CSNK2A2IP: variants seen among roughly 807,000 people sequenced by gnomAD.
The protein encoded by CSNK2A2IP is casein kinase II subunit alpha'-interacting protein.
the CSNK2A2IP span, among the ~76,000 whole-genome samples, chr3:88,342,535 T>C: frequency 6.6e-6 from 1 of 152,034 alleles, no homozygotes; most frequent in East Asian, 1.9e-4. Flanking sequence ...TCTGTTGTGA[T>C]TCTGAGGTCT....
At chr3:88,360,139 CT>C in the CSNK2A2IP span, among the ~76,000 whole-genome samples, 56,803 of 140,008 alleles carry the variant, frequency 0.41, 12,165 homozygotes, top group South Asian at 0.57. Context: ...GAGTTTTTGT[CT>C]TTTTTTTTTT....
chr3:88,428,605 C>T, the CSNK2A2IP span, among the ~76,000 whole-genome samples: 3 of 152,036 alleles, frequency 2.0e-5, no homozygotes, highest in Non-Finnish European at 4.4e-5. Context: ...ATAGTGAGTT[C>T]TCATGATATC....
chr3:88,467,422 A>C, the CSNK2A2IP span: 1 of 398,698 alleles, frequency 2.5e-6, no homozygotes. Flanking sequence ...GTTTATATAT[A>C]GCAAAGATTA....
the CSNK2A2IP span, among the ~76,000 whole-genome samples, chr3:88,402,697 A>C: frequency 8.0e-5 from 12 of 149,584 alleles, no homozygotes; most frequent in East Asian, 2.5e-3. Flanking sequence ...ATATATTTGC[A>C]CGTAAAGAGT....
chr3:88,362,132 G>C, the CSNK2A2IP span, among the ~76,000 whole-genome samples: 27 of 151,968 alleles, frequency 1.8e-4, no homozygotes, highest in Non-Finnish European at 2.5e-4. Flanking sequence ...GAGAGGTCAT[G>C]TTTTTTCTGG....
the CSNK2A2IP span, among the ~76,000 whole-genome samples, chr3:88,358,547 AG>A: frequency 3.3e-5 from 5 of 151,930 alleles, no homozygotes; most frequent in Non-Finnish European, 5.9e-5. Flanking sequence ...TAATCATGAA[AG>A]GGTATTGAAT....
chr3:88,437,532 T>G, the CSNK2A2IP span, among the ~76,000 whole-genome samples: 1 of 152,222 alleles, frequency 6.6e-6, no homozygotes, highest in African/African-American at 2.4e-5. Flanking sequence ...ATTGTAAAAC[T>G]ATTCTTAAAC....
chr3:88,407,536 C>G, the CSNK2A2IP span, among the ~76,000 whole-genome samples: 1 of 152,002 alleles, frequency 6.6e-6, no homozygotes, highest in African/African-American at 2.4e-5. Context: ...GTCACTGCAT[C>G]TAATGGAGGT....
chr3:88,456,277 T>G, the CSNK2A2IP span, among the ~76,000 whole-genome samples: 1 of 152,104 alleles, frequency 6.6e-6, no homozygotes, highest in Admixed American at 6.5e-5. Context: ...TTGTAGATTT[T>G]TTGGGTAGTT....
At chr3:88,367,602 C>T in the CSNK2A2IP span, among the ~76,000 whole-genome samples, 4 of 152,144 alleles carry the variant, frequency 2.6e-5, no homozygotes, top group East Asian at 3.9e-4. Flanking sequence ...TCAAAACTTG[C>T]CTTTAACTTT....
At chr3:88,348,115 A>G in the CSNK2A2IP span, among the ~76,000 whole-genome samples, 2 of 152,016 alleles carry the variant, frequency 1.3e-5, no homozygotes, top group Non-Finnish European at 2.9e-5. Context: ...ATGCTTTGAT[A>G]CAGACTGAGA....
the CSNK2A2IP span, among the ~76,000 whole-genome samples, chr3:88,379,219 G>A: frequency 2.6e-5 from 4 of 151,964 alleles, no homozygotes; most frequent in Non-Finnish European, 2.9e-5. Context: ...AAAGCTCCCC[G>A]TGTGGCACAG....
the CSNK2A2IP span, chr3:88,466,166 C>T: frequency 8.1e-7 from 1 of 1,231,658 alleles, no homozygotes; most frequent in Non-Finnish European, 1.0e-6. Context: ...ATTGCTCTTA[C>T]CTCTCCATTA....
chr3:88,416,300 G>C, the CSNK2A2IP span, among the ~76,000 whole-genome samples: 1 of 151,216 alleles, frequency 6.6e-6, no homozygotes, highest in East Asian at 1.9e-4. Context: ...AAAAGGAAAA[G>C]GGTGATAGAA....
At chr3:88,359,116 T>C in the CSNK2A2IP span, among the ~76,000 whole-genome samples, 1 of 151,842 alleles carries the variant, frequency 6.6e-6, no homozygotes, top group Admixed American at 6.6e-5. Flanking sequence ...TTCAGATTCG[T>C]ATTTTTCATA....
the CSNK2A2IP span, chr3:88,466,874 C>T: frequency 1.0e-3 from 1,172 of 1,171,480 alleles, 8 homozygotes; most frequent in African/African-American, 0.017. Flanking sequence ...GTCATACCAA[C>T]ACCTGAGGCC....
chr3:88,438,002 ACAAAGGG>A, the CSNK2A2IP span, among the ~76,000 whole-genome samples: 1 of 152,220 alleles, frequency 6.6e-6, no homozygotes, highest in Non-Finnish European at 1.5e-5. Flanking sequence ...AAAACACTCA[ACAAAGGG>A]CAGAGACTGT....
At chr3:88,407,913 G>A in the CSNK2A2IP span, among the ~76,000 whole-genome samples, 1 of 151,806 alleles carries the variant, frequency 6.6e-6, no homozygotes, top group African/African-American at 2.4e-5. Flanking sequence ...TAATAGAGAC[G>A]GGTTTCACCA....
At chr3:88,380,279 C>T in the CSNK2A2IP span, among the ~76,000 whole-genome samples, 2 of 151,718 alleles carry the variant, frequency 1.3e-5, no homozygotes, top group Admixed American at 6.6e-5. Flanking sequence ...AGATAATAGG[C>T]CAGGATGACT....
Sources: gnomAD v4.1 joint callset for allele counts (sites outside exome capture counted in the v4.1 genomes callset) on GRCh38, gnomAD v4.1.1 for gene constraint, MANE v1.5 for transcripts, NCBI Gene and HGNC (gene_info 2026-07-23, HGNC 2026-07-21) for gene names.